PTPN4: variants seen among roughly 807,000 people sequenced by gnomAD.
The protein encoded by PTPN4 is tyrosine-protein phosphatase non-receptor type 4.
In PTPN4, 49 loss-of-function variants were observed where a neutral mutation model predicts 135.5. The ratio of observed to expected loss-of-function variants is 0.36; its 90% confidence interval spans 0.29 to 0.46. The LOEUF is 0.46. PTPN4 is among the 20% of genes least tolerant of loss of function. PTPN4 has a pLI of 1.00. For synonymous variants in PTPN4, 333 were observed against 369.9 expected, an observed-to-expected ratio of 0.90 and a Z score of 1.14; for missense variants, 860 against 1,101.0, an observed-to-expected ratio of 0.78 and a Z score of 3.10.
At chr2:119,899,076 G>C (rs1271753497) in intron 9 of PTPN4, among the ~76,000 whole-genome samples, 1 of 152,120 alleles carries the variant, frequency 6.6e-6, no homozygotes, top group African/African-American at 2.4e-5. Flanking sequence ...GGTTAAGGTG[G>C]GAAGGAATAC....
chr2:119,910,358 T>G (rs769917906), intron 10 of PTPN4, among the ~76,000 whole-genome samples: 14 of 152,118 alleles, frequency 9.2e-5, no homozygotes, highest in African/African-American at 1.7e-4. Context: ...TGTGACTCAC[T>G]TTATCACAGT....
chr2:119,803,558 T>A (rs1691411820), intron 1 of PTPN4, among the ~76,000 whole-genome samples: 1 of 152,202 alleles, frequency 6.6e-6, no homozygotes, highest in African/African-American at 2.4e-5. Flanking sequence ...TATTTAAATA[T>A]TTAGATTTGT....
chr2:119,910,890 G>A (rs1321432521), intron 10 of PTPN4, among the ~76,000 whole-genome samples: 1 of 152,076 alleles, frequency 6.6e-6, no homozygotes, highest in East Asian at 1.9e-4. Context: ...TTAGCAGTGT[G>A]AGAATGGACT....
intron 2 of PTPN4, among the ~76,000 whole-genome samples, chr2:119,818,110 G>A (rs1339064421): frequency 1.3e-5 from 2 of 152,172 alleles, no homozygotes; most frequent in African/African-American, 4.8e-5. Context: ...ACTGCAAACA[G>A]GGTTAGTTTG....
chr2:119,943,102 A>G (rs1407878757), intron 15 of PTPN4, among the ~76,000 whole-genome samples: 1 of 152,212 alleles, frequency 6.6e-6, no homozygotes, highest in Non-Finnish European at 1.5e-5. Flanking sequence ...TTTTGCAGTT[A>G]TATTTTATAC....
At position 119,980,571 on chromosome 2, in the gene PTPN4, C is replaced by G. The variant is rs1679677841; in HGVS notation, c.*3501C>G. 1 of 151,896 alleles carries G rather than the reference C, an allele frequency of 6.6e-6. No homozygotes were observed. Among genetic ancestry groups the G allele is most frequent in the Admixed American group, 6.6e-5 (1 of 15,218 alleles). The allele number at this position is 151,896 out of a possible 1,614,324, so 9.4% of individuals were successfully genotyped here. A position where few individuals can be genotyped will look rare whatever the true frequency, so the allele number is the denominator to read the frequency against. On this transcript the variant is annotated 3_prime_UTR_variant, in exon 27 of 27. Transcript: ENST00000263708. ...ATCTATCTAGTATTCCTATATTATACTGGAACTTCAATAAATTATAACCTA... is the reference window on the plus strand; with the variant it reads ...ATCTATCTAGTATTCCTATATTATAGTGGAACTTCAATAAATTATAACCTA...
At chr2:119,793,300 C>T (rs187069308) in intron 1 of PTPN4, among the ~76,000 whole-genome samples, 3 of 152,254 alleles carry the variant, frequency 2.0e-5, no homozygotes, top group Non-Finnish European at 2.9e-5. Context: ...TTCTCTTACC[C>T]GTTTTCAGCA....
At position 119,956,237 on chromosome 2, in the gene PTPN4, A is replaced by T. The variant is rs1009527191; in HGVS notation, c.1981-607A>T. ...AATTTGTTTAAATTAATAAACCTGA[A>T]TTTTTTTTTTTTTTTTTTTTTTTGA... On this transcript the variant is annotated intron_variant, in intron 20 of 26. Transcript: ENST00000263708. Among the ~76,000 whole-genome samples the T allele has an allele frequency of 1.5e-3, 153 of 101,082 alleles. 1 individual carries two copies. Among genetic ancestry groups the T allele is most frequent in the Non-Finnish European group, 2.4e-3 (130 of 53,210 alleles). The allele number at this position is 101,082 out of a possible 152,430, so 66.3% of individuals were successfully genotyped here.
intron 10 of PTPN4, among the ~76,000 whole-genome samples, chr2:119,901,740 A>G (rs903981304): frequency 1.3e-5 from 2 of 152,226 alleles, no homozygotes; most frequent in African/African-American, 4.8e-5. Flanking sequence ...AAAAGTGTGT[A>G]ACGTACAAGA....
intron 1 of PTPN4, among the ~76,000 whole-genome samples, chr2:119,766,435 TGC>T (rs2104917047): frequency 8.0e-6 from 1 of 124,536 alleles, no homozygotes; most frequent in African/African-American, 3.4e-5. Context: ...CACTGGTGTA[TGC>T]GCATGTGCGC....
chr2:119,824,710 T>C (rs1270720387), intron 2 of PTPN4, among the ~76,000 whole-genome samples: 5 of 152,198 alleles, frequency 3.3e-5, no homozygotes, highest in Non-Finnish European at 7.3e-5. Context: ...TTCTTTGAGA[T>C]AGAGTCTCGC....
chr2:119,804,209 C>T (rs184712051), intron 1 of PTPN4, among the ~76,000 whole-genome samples: 80 of 152,158 alleles, frequency 5.3e-4, no homozygotes, highest in African/African-American at 1.5e-3. Flanking sequence ...AACTCCTGGG[C>T]TCAAGGGATC....
intron 5 of PTPN4, among the ~76,000 whole-genome samples, chr2:119,878,689 CTTTTTTT>C (rs74600465): frequency 2.3e-4 from 30 of 129,822 alleles, no homozygotes; most frequent in Admixed American, 5.4e-4. Flanking sequence ...GCAGGTGTTC[CTTTTTTT>C]TTTTTTTTTT....
chr2:119,862,629 T>A lies in PTPN4; in HGVS notation c.232T>A (p.Ser78Thr). 2 of 1,609,430 alleles carry A rather than the reference T, an allele frequency of 1.2e-6. No individual in the cohort carries two copies. Among genetic ancestry groups the A allele is most frequent in the Non-Finnish European group, 1.7e-6 (2 of 1,176,204 alleles). ...DYFGLQLADD[S>T]TDNPRWLDPN... is the part of the protein sequence containing the mutation. ...TTTTGGTTTACAGTTGGCTGATGAT[T>A]CCACAGATAACCCAGTAAGTGTAAG... is the stretch of plus-strand genomic sequence containing the variant. Residue 78 changes from serine to threonine, a missense_variant, in exon 3 of 27, where the codon TCC becomes ACC. By Grantham distance (58) the Ser-to-Thr change is moderately conservative (BLOSUM62 1). This residue lies in a region of PTPN4 where 684 missense variants were observed against 807.0 expected (regional missense o/e 0.85). Transcript: ENST00000263708.
chr2:119,833,056 C>G (rs1319326433), intron 2 of PTPN4, among the ~76,000 whole-genome samples: 1 of 152,126 alleles, frequency 6.6e-6, no homozygotes, highest in African/African-American at 2.4e-5. Flanking sequence ...TCTAAGTGCT[C>G]TATCATTCTG....
chr2:119,900,020 A>G (rs1264420074), intron 9 of PTPN4, among the ~76,000 whole-genome samples: 2 of 152,150 alleles, frequency 1.3e-5, no homozygotes, highest in African/African-American at 4.8e-5. Context: ...TTTTAAATAA[A>G]GAAGCAAAAT....
chr2:119,836,144 TA>T (rs1677288722), intron 2 of PTPN4, among the ~76,000 whole-genome samples: 1 of 151,540 alleles, frequency 6.6e-6, no homozygotes, highest in African/African-American at 2.4e-5. Context: ...CACTTAAAAA[TA>T]AGTGTCTTTC....
rs1188673542 is a variant in PTPN4 at position 119,849,786 on chromosome 2, T to G, written c.139-12750T>G. ...ACAGTCACCCTGGGATGACAGTGGT[T>G]TATCAGGGCTCTGTTTGACTCCTCT... On this transcript the variant is annotated intron_variant, in intron 2 of 26. Coordinates refer to ENST00000263708, the MANE Select transcript of PTPN4 (RefSeq NM_002830.4). 4.6e-5 allele frequency among the ~76,000 whole-genome samples: 7 copies of G among 152,256 alleles called. No individual in the cohort carries two copies. The East Asian group carries it at 1.2e-3, about 25-fold the overall frequency.
chr2:119,810,238 AGT>A (rs1254666438), intron 2 of PTPN4, among the ~76,000 whole-genome samples: 4 of 152,212 alleles, frequency 2.6e-5, no homozygotes, highest in African/African-American at 9.6e-5. Flanking sequence ...GCAGATCCAT[AGT>A]ATGTGTGTGG....
Sources: allele counts gnomAD v4.1 joint callset (sites outside exome capture counted in the v4.1 genomes callset), GRCh38; gene constraint gnomAD v4.1.1; regional missense constraint gnomAD v4.1.1; transcripts MANE v1.5; gene names NCBI Gene and HGNC (gene_info 2026-07-23, HGNC 2026-07-21).